Variants in STON2 observed in about 807,000 individuals in gnomAD.
STON2 encodes stonin-2.
STON2 carries 29 observed loss-of-function variants against 65.7 expected under a neutral mutation model. That is an observed-to-expected ratio of 0.44 (90% CI 0.33 to 0.60). The LOEUF is 0.60. STON2 is among the 20% of genes least tolerant of loss of function. The pLI is 0.03. For synonymous variants in STON2, 404 were observed against 414.2 expected (o/e 0.98, Z 0.30); for missense variants, 1,054 against 1,118.1 (o/e 0.94, Z 0.82).
At chr14:81,371,252 T>C in intron 3 of STON2, 67 bp from the exon 4 acceptor site, 1 of 1,446,752 alleles carries the variant, frequency 6.9e-7, no homozygotes, top group East Asian at 2.3e-5. Context: ...CTTTAGTGCT[T>C]ATCTTACTTT....
Position 81,264,897 on chromosome 14 carries a change from G to A in STON2, c.*3517C>T, listed in dbSNP as rs895703404. 1 of 985,398 alleles carries A rather than the reference G, an allele frequency of 1.0e-6. No individual in the cohort carries two copies. Among genetic ancestry groups the A allele is most frequent in the African/African-American group, 1.7e-5 (1 of 57,342 alleles). 61.0% of individuals were successfully genotyped at this position (985,398 alleles called of 1,614,324 possible). On this transcript the variant is annotated 3_prime_UTR_variant, in exon 8 of 8. Coordinates refer to ENST00000614646, the MANE Select transcript of STON2 (RefSeq NM_001394390.1). ...CACATTGTCTTGTCTGACATGTCAT[G>A]AGTACATTTCTTATCTTTTTGCTGT... is the stretch of plus-strand genomic sequence containing the variant.
At chr14:81,330,333 C>A (rs554683438) in intron 4 of STON2, among the ~76,000 whole-genome samples, 2 of 152,298 alleles carry the variant, frequency 1.3e-5, no homozygotes, top group South Asian at 4.1e-4. Context: ...CACTCACAAG[C>A]CCTCCCTTTG....
chr14:81,268,626 C>T (rs1894451238), intron 7 of STON2, 129 bp from the exon 8 acceptor site: 1 of 1,235,392 alleles, frequency 8.1e-7, no homozygotes, highest in South Asian at 1.4e-5. Context: ...GGGCGTTAGC[C>T]ACATTGGAGC....
intron 5 of STON2, among the ~76,000 whole-genome samples, chr14:81,315,411 CTT>C (rs949289571): frequency 1.3e-5 from 2 of 152,238 alleles, no homozygotes; most frequent in East Asian, 1.9e-4. Flanking sequence ...TGTGCTGTCT[CTT>C]TGTCTCCAAA....
intron 2 of STON2, among the ~76,000 whole-genome samples, chr14:81,423,799 C>T (rs1315221807): frequency 6.6e-6 from 1 of 152,144 alleles, no homozygotes; most frequent in Non-Finnish European, 1.5e-5. Flanking sequence ...ACCGACGCAT[C>T]CCAAGTTTGT....
At chr14:81,334,686 T>C (rs1566913757) in intron 4 of STON2, among the ~76,000 whole-genome samples, 1 of 152,078 alleles carries the variant, frequency 6.6e-6, no homozygotes, top group Non-Finnish European at 1.5e-5. Context: ...CAAGTGAAGC[T>C]GAGCAGAAAA....
At chr14:81,269,738 T>A in intron 7 of STON2, 1 of 985,192 alleles carries the variant, frequency 1.0e-6, no homozygotes. Context: ...CTTTGCAAAA[T>A]CCTTCTTTAA....
rs1331660251 is a variant in STON2 at position 81,261,691 on chromosome 14, C to G, written c.*6723G>C. The G allele has an allele frequency of 1.7e-6, 2 of 1,199,244 alleles. No homozygotes were observed. Among genetic ancestry groups the G allele is most frequent in the East Asian group, 2.7e-5 (1 of 36,704 alleles). The allele number at this position is 1,199,244 out of a possible 1,614,324, so 74.3% of individuals were successfully genotyped here. ...ATACCTCATTGATTATCCTATCATCCCCAGTACTTGGAGGGTTAGACCTAC... is the reference window on the plus strand; with the variant it reads ...ATACCTCATTGATTATCCTATCATCGCCAGTACTTGGAGGGTTAGACCTAC... On this transcript the variant is annotated 3_prime_UTR_variant, in exon 8 of 8. Transcript: ENST00000614646.
chr14:81,412,953 C>CT lies in STON2; in HGVS notation c.-199+14148dup, dbSNP rs1901236996. ...GAGACCGTTGCAGTCAGCCAGCCCC[C>CT]TTCTCCATGGGTAACCATGTGCGAC... is the stretch of plus-strand genomic sequence containing the variant. On this transcript the variant is annotated intron_variant, in intron 2 of 8. Coordinates refer to the STON2 transcript ENST00000553821. The CT allele has an allele frequency of 4.4e-6, 4 of 906,302 alleles. 1 individual carries two copies. 56.1% of individuals were successfully genotyped at this position (906,302 alleles called of 1,614,324 possible). A position where few individuals can be genotyped will look rare whatever the true frequency, so the allele number is the denominator to read the frequency against.
intron 5 of STON2, among the ~76,000 whole-genome samples, chr14:81,288,048 A>G (rs1040222329): frequency 4.6e-5 from 7 of 152,236 alleles, no homozygotes; most frequent in African/African-American, 1.4e-4. Context: ...AAACTGAAAA[A>G]TCAGTATTCT....
intron 1 of STON2, among the ~76,000 whole-genome samples, chr14:81,433,580 G>A (rs754729942): frequency 7.9e-5 from 12 of 152,188 alleles, no homozygotes; most frequent in African/African-American, 2.9e-4. Context: ...CCCATACCAC[G>A]GACAGCAGAC....
Position 81,434,437 on chromosome 14 carries a change from G to A in STON2, c.-310+1884C>T, listed in dbSNP as rs182774297. 1.5e-3 allele frequency among the ~76,000 whole-genome samples: 228 copies of A among 152,320 alleles called. 1 individual carries two copies. Among genetic ancestry groups the A allele is most frequent in the Admixed American group, 2.5e-3 (39 of 15,304 alleles). On this transcript the variant is annotated intron_variant, in intron 1 of 8. Transcript: ENST00000553821. ...ACTGAAAGGGCTGCCATGCTAATCT[G>A]AGACTTGAAAGATTGCATCTGGAAG...
chr14:81,435,598 GCA>G (rs1467453191), intron 1 of STON2, among the ~76,000 whole-genome samples: 1 of 152,090 alleles, frequency 6.6e-6, no homozygotes, highest in Non-Finnish European at 1.5e-5. Flanking sequence ...CTGCACAAAA[GCA>G]CAGTTAATGA....
At chr14:81,353,786 T>C (rs1465489402) in intron 4 of STON2, among the ~76,000 whole-genome samples, 1 of 151,858 alleles carries the variant, frequency 6.6e-6, no homozygotes, top group East Asian at 1.9e-4. Context: ...TGGGGTCAGG[T>C]AGCAACAAAG....
chr14:81,309,357 T>C (rs1418695318), intron 5 of STON2, among the ~76,000 whole-genome samples: 1 of 152,206 alleles, frequency 6.6e-6, no homozygotes, highest in African/African-American at 2.4e-5. Context: ...TGTATAATTC[T>C]AGAATTTGCT....
At chr14:81,371,680 A>C (rs2140367352) in intron 3 of STON2, among the ~76,000 whole-genome samples, 1 of 150,794 alleles carries the variant, frequency 6.6e-6, no homozygotes, top group South Asian at 2.1e-4. Context: ...TGAGTCTAAA[A>C]AAAAAAAAAA....
chr14:81,415,636 C>T (rs1307309668), intron 2 of STON2, among the ~76,000 whole-genome samples: 2 of 137,996 alleles, frequency 1.4e-5, no homozygotes, highest in Non-Finnish European at 3.0e-5. Context: ...CACCACTGCA[C>T]TCCAGCCTGG....
chr14:81,386,082 A>G (rs1035771885), intron 3 of STON2, among the ~76,000 whole-genome samples: 2 of 152,200 alleles, frequency 1.3e-5, no homozygotes, highest in Non-Finnish European at 2.9e-5. Context: ...GACGGAGCCC[A>G]GGGGAGAGGA....
chr14:81,371,336 T>G (rs1898983602), intron 3 of STON2, 151 bp from the exon 4 acceptor site: 3 of 711,128 alleles, frequency 4.2e-6, no homozygotes, highest in Non-Finnish European at 6.9e-6. Context: ...GTATCACTCA[T>G]GACACAGACA....
Sources: gnomAD v4.1 joint callset for allele counts (sites outside exome capture counted in the v4.1 genomes callset) on GRCh38, gnomAD v4.1.1 for gene constraint, MANE v1.5 for transcripts, NCBI Gene and HGNC (gene_info 2026-07-23, HGNC 2026-07-21) for gene names.